Variants in MRPS27 observed in about 807,000 individuals in gnomAD.
MRPS27 encodes the protein mitochondrial ribosomal protein S27, also known as small ribosomal subunit protein mS27.
Under a neutral mutation model 48.9 loss-of-function variants are expected in MRPS27, and 43 were observed. The observed-to-expected ratio is 0.88, with a 90% CI of 0.69 to 1.13. MRPS27 has a LOEUF of 1.13. MRPS27 is among the 50% of genes most tolerant of loss of function. MRPS27 has a pLI of 0.00. For missense variants in MRPS27, 467 were observed against 476.3 expected, an observed-to-expected ratio of 0.98 and a Z score of 0.18; for synonymous variants, 188 against 171.9, an observed-to-expected ratio of 1.09 and a Z score of -0.73.
At position 72,220,106 on chromosome 5, in the gene MRPS27, T is replaced by A. The variant is rs753182621; in HGVS notation, c.*803A>T. 6.5e-6 allele frequency: 1 copy of A among 152,704 alleles called. No homozygotes were observed. Among genetic ancestry groups the A allele is most frequent in the African/African-American group, 2.4e-5 (1 of 41,432 alleles). 9.5% of individuals were successfully genotyped at this position (152,704 alleles called of 1,614,324 possible). ...AGGAGAATGTGGGAATGTGTGAGTA[T>A]CCCACAGCCAGCTCACAGTGCAGCT... On this transcript the variant is annotated 3_prime_UTR_variant, in exon 11 of 11. Coordinates refer to ENST00000261413, the MANE Select transcript of MRPS27 (RefSeq NM_015084.3).
rs146080046 is a variant in MRPS27 at position 72,291,350 on chromosome 5, T to C, written c.281+4181A>G. 2.7e-4 allele frequency among the ~76,000 whole-genome samples: 41 copies of C among 152,360 alleles called. No homozygotes were observed. The East Asian group carries it at 5.8e-3, about 21-fold the overall frequency. On this transcript the variant is annotated intron_variant, in intron 4 of 10. Transcript: ENST00000261413. ...TAACAATTTTTTGTCTTGAACCCTC[T>C]GGCAGTCTGATGAAGGCTTCTCAGA...
At chr5:72,226,760 C>T (rs1347169113) in intron 8 of MRPS27, among the ~76,000 whole-genome samples, 1 of 151,878 alleles carries the variant, frequency 6.6e-6, no homozygotes, top group Non-Finnish European at 1.5e-5. Context: ...TTTAAAATAA[C>T]AGAGTTCTCA....
intron 4 of MRPS27, among the ~76,000 whole-genome samples, chr5:72,266,443 G>A (rs1411893323): frequency 6.6e-6 from 1 of 152,234 alleles, no homozygotes; most frequent in African/African-American, 2.4e-5. Flanking sequence ...AGTGAAGGCT[G>A]CCAAAGTGGC....
chr5:72,277,778 T>C (rs59748880), intron 4 of MRPS27, among the ~76,000 whole-genome samples: 9,625 of 152,176 alleles, frequency 0.063, 549 homozygotes, highest in African/African-American at 0.15. Context: ...AACGAGATCA[T>C]GTCCTTTGCA....
intron 4 of MRPS27, among the ~76,000 whole-genome samples, chr5:72,277,617 G>GA (rs919164693): frequency 1.3e-3 from 200 of 150,362 alleles, no homozygotes; most frequent in African/African-American, 4.7e-3. Flanking sequence ...AAAAAGAAAA[G>GA]AAAAAAAAAG....
rs765306932 is a variant in MRPS27, at chr5:72,221,148, C to T, written c.1006G>A (p.Ala336Thr). The change falls in exon 11 of 11, where the codon GCC (alanine) becomes ACC (threonine). Residue 336 changes from alanine (A) to threonine (T), a missense_variant and splice_region_variant. Ala to Thr is a moderately conservative substitution (Grantham distance 58). Transcript: ENST00000261413. ...AGAGCTTGAAGCTTAGAATGTAAGG[C>T]CTGTTGGAAACAAATGGGAAAAATG... is the stretch of plus-strand genomic sequence containing the variant. ...KLPQYLERFK[A>T]LHSKLQALGK... The T allele has an allele frequency of 2.6e-5, 42 of 1,613,236 alleles. No individual in the cohort carries two copies. In the South Asian group the frequency reaches 4.4e-4, roughly 17 times the overall value.
intron 4 of MRPS27, among the ~76,000 whole-genome samples, chr5:72,255,767 C>T (rs906511628): frequency 6.6e-6 from 1 of 152,190 alleles, no homozygotes; most frequent in Non-Finnish European, 1.5e-5. Flanking sequence ...TAATACTGAA[C>T]AAGGCCAAAA....
At chr5:72,245,630 T>C (rs1360704159) in intron 4 of MRPS27, among the ~76,000 whole-genome samples, 1 of 152,120 alleles carries the variant, frequency 6.6e-6, no homozygotes, top group Non-Finnish European at 1.5e-5. Flanking sequence ...AAAACCAGAA[T>C]TTCTGGAGTA....
chr5:72,222,149 A>C (rs1453995676), intron 10 of MRPS27, among the ~76,000 whole-genome samples: 1 of 152,114 alleles, frequency 6.6e-6, no homozygotes, highest in Non-Finnish European at 1.5e-5. Context: ...CAAACAAATG[A>C]CCTCTGACTA....
At chr5:72,241,499 T>C in intron 4 of MRPS27, 1 of 684,224 alleles carries the variant, frequency 1.5e-6, no homozygotes, top group Non-Finnish European at 2.4e-6. Context: ...GTCAAAACAC[T>C]GGGCCAGCGG....
intron 4 of MRPS27, among the ~76,000 whole-genome samples, chr5:72,257,121 C>T (rs1393732034): frequency 1.3e-5 from 2 of 152,274 alleles, no homozygotes; most frequent in African/African-American, 4.8e-5. Flanking sequence ...CCACCCTCCA[C>T]CCAATTTTAT....
intron 4 of MRPS27, among the ~76,000 whole-genome samples, chr5:72,287,665 T>C (rs1305519007): frequency 6.6e-6 from 1 of 151,934 alleles, no homozygotes; most frequent in East Asian, 1.9e-4. Context: ...ACAAAAAAAA[T>C]TGACAAAAGA....
In MRPS27 at chr5:72,264,879, A is replaced by G. The variant is rs1183230142; in HGVS notation, c.282-26751T>C. On this transcript the variant is annotated intron_variant, in intron 4 of 10. Coordinates refer to ENST00000261413, the MANE Select transcript of MRPS27 (RefSeq NM_015084.3). The stretch of plus-strand genomic sequence containing the variant: ...CCAGTTTATGGTACTTTGTTACAGC[A>G]GCCCTAGGAAACTAAAAAATAATGG... Among the ~76,000 whole-genome samples the G allele has an allele frequency of 2.0e-5, 3 of 152,330 alleles. No homozygotes were observed. The East Asian group carries it at 5.8e-4, about 29-fold the overall frequency.
At chr5:72,275,624 C>T (rs1232937491) in intron 4 of MRPS27, among the ~76,000 whole-genome samples, 1 of 152,218 alleles carries the variant, frequency 6.6e-6, no homozygotes, top group Non-Finnish European at 1.5e-5. Context: ...AAATTGAACA[C>T]TCAAACAAAG....
At position 72,314,113 on chromosome 5, in the gene MRPS27, C is replaced by T; in HGVS notation, c.119G>A (p.Trp40Ter). Reference protein sequence around the residue: ...LSSAYVDSHKWEAREKEHYCL... With the variant: ...LSSAYVDSHK ...GTAATGTTCTTTTTCTCTTGCTTCC[C>T]ATTTGTGGCTGTCTACATAGGCTGA... Residue 40 changes from tryptophan to a stop codon, truncating the protein, a stop_gained, in exon 2 of 11, where the codon TGG (tryptophan) becomes TAG (stop). Transcript: ENST00000261413. LOFTEE classifies it high-confidence loss of function. The T allele has an allele frequency of 6.2e-7, 1 of 1,612,858 alleles. No homozygotes were observed. Among genetic ancestry groups the T allele is most frequent in the Non-Finnish European group, 8.5e-7 (1 of 1,179,338 alleles).
intron 4 of MRPS27, among the ~76,000 whole-genome samples, chr5:72,270,237 T>TAA (rs1561347424): frequency 5.0e-5 from 7 of 140,578 alleles, no homozygotes; most frequent in African/African-American, 1.9e-4. Context: ...AATAATAATA[T>TAA]TAAAATGCCT....
At chr5:72,299,255 T>C (rs1054911189) in intron 2 of MRPS27, among the ~76,000 whole-genome samples, 3 of 146,400 alleles carry the variant, frequency 2.0e-5, no homozygotes, top group Admixed American at 7.0e-5. Flanking sequence ...ACTCCCTGAA[T>C]CTAAAATGAA....
At chr5:72,252,371 ACT>A (rs1005532728) in intron 4 of MRPS27, among the ~76,000 whole-genome samples, 3 of 152,242 alleles carry the variant, frequency 2.0e-5, no homozygotes, top group Admixed American at 2.0e-4. Flanking sequence ...GGAAAATCAT[ACT>A]GAAGGAAGGC....
At chr5:72,290,003 A>G (rs1749778368) in intron 4 of MRPS27, among the ~76,000 whole-genome samples, 1 of 152,222 alleles carries the variant, frequency 6.6e-6, no homozygotes, top group Non-Finnish European at 1.5e-5. Context: ...TTGAGTTTGC[A>G]TTTTAGCAAT....
Sources: allele counts gnomAD v4.1 joint callset (sites outside exome capture counted in the v4.1 genomes callset), GRCh38; gene constraint gnomAD v4.1.1; transcripts MANE v1.5; gene names NCBI Gene and HGNC (gene_info 2026-07-23, HGNC 2026-07-21).